The following MARK2 variants were observed in gnomAD, a reference collection of about 807,000 sequenced individuals.
The protein encoded by MARK2 is serine/threonine-protein kinase MARK2.
MARK2 carries 16 observed loss-of-function variants against 89.8 expected under a neutral mutation model. The observed-to-expected ratio is 0.18, with a 90% CI of 0.12 to 0.27. The LOEUF (loss-of-function observed/expected upper bound fraction) is 0.27, where lower values mean the gene tolerates loss of function less well. Ranked by LOEUF, MARK2 falls within the 10% of genes least tolerant of loss-of-function variation. The pLI, the probability that MARK2 is intolerant of heterozygous loss-of-function variation, is 1.00. For synonymous variants in MARK2, 382 were observed against 399.5 expected, an observed-to-expected ratio of 0.96 and a Z score of 0.52; for missense variants, 621 against 1,049.9, an observed-to-expected ratio of 0.59 and a Z score of 5.65.
chr11:63,868,703 G>T (rs1938271209), intron 1 of MARK2: 1 of 449,320 alleles, frequency 2.2e-6, no homozygotes, highest in Admixed American at 2.4e-5. Flanking sequence ...CAACGTGTCT[G>T]CCTGCGTTGT....
chr11:63,886,136 A>T (rs1222951170), intron 1 of MARK2, among the ~76,000 whole-genome samples: 1 of 151,862 alleles, frequency 6.6e-6, no homozygotes, highest in African/African-American at 2.4e-5. Flanking sequence ...CTCAAAAAAA[A>T]AAAAAAAGAG....
In MARK2 at chr11:63,895,332, G is replaced by A; in HGVS notation, c.228G>A (p.Gly76=). 6.2e-7 allele frequency: 1 copy of A among 1,613,670 alleles called. No individual in the cohort carries two copies. Among genetic ancestry groups the A allele is most frequent in the Non-Finnish European group, 8.5e-7 (1 of 1,179,722 alleles). The change falls in exon 2 of 19, where the codon GGG becomes GGA. Residue 76 remains glycine (G), a synonymous_variant. Transcript: ENST00000402010. ...KVKLARHILT[G]KEVAVKIIDK... ...AGTTGGCCCGACACATCCTGACTGG[G>A]AAAGAGGTGAGCACTGGGACTGGGG...
chr11:63,903,901 C>T lies in MARK2; in HGVS notation c.1515-85C>T. 8.2e-7 allele frequency: 1 copy of T among 1,222,168 alleles called. No individual in the cohort carries two copies. The allele number at this position is 1,222,168 out of a possible 1,614,324, so 75.7% of individuals were successfully genotyped here. A position where few individuals can be genotyped will look rare whatever the true frequency, so the allele number is the denominator to read the frequency against. ...CCTGCCAGAGCTCCCCAGCTCTGGC[C>T]CTTCCCCTGCCCTTGCTTCCTAATC... is the stretch of plus-strand genomic sequence containing the variant. On this transcript the variant is annotated intron_variant, in intron 14 of 18. Transcript: ENST00000402010. The surrounding 1 kb of genome is among the most constrained non-coding windows in gnomAD (Gnocchi z 5.1).
At chr11:63,868,748 T>C (rs1938275746) in intron 1 of MARK2, 1 of 455,854 alleles carries the variant, frequency 2.2e-6, no homozygotes, top group Non-Finnish European at 4.4e-6. Flanking sequence ...TCTTGCCTCT[T>C]TTTTGATGGG....
intron 1 of MARK2, among the ~76,000 whole-genome samples, chr11:63,843,576 T>A (rs945730248): frequency 1.3e-5 from 2 of 152,020 alleles, no homozygotes; most frequent in Non-Finnish European, 1.5e-5. Context: ...CTCCAAACAC[T>A]CTCACTGGAC....
chr11:63,860,554 AAAAAAAT>A (rs1380356597), intron 1 of MARK2, among the ~76,000 whole-genome samples: 1 of 148,852 alleles, frequency 6.7e-6, no homozygotes, highest in East Asian at 2.0e-4. Context: ...TCTCAAAAAA[AAAAAAAT>A]AAATAGAAAT....
rs780529224 is a variant in MARK2 at position 63,895,186 on chromosome 11, C to A, written c.82C>A (p.Pro28Thr). The part of the protein sequence containing the change: ...QPTLGHLDSK[P>T]SSKSNMIRGR... Reference sequence around the variant, plus strand: ...CACCTTGGGACACCTTGACTCCAAGCCCAGCAGTAAGTCCAACATGATTCG... The same window carrying A: ...CACCTTGGGACACCTTGACTCCAAGACCAGCAGTAAGTCCAACATGATTCG... The change falls in exon 2 of 19, where the codon CCC becomes ACC. Residue 28 changes from proline (P) to threonine (T), a missense_variant. Pro to Thr is a conservative substitution (Grantham distance 38). This residue lies in a region of MARK2 where 60 missense variants were observed against 73.2 expected (regional missense o/e 0.82). Coordinates refer to ENST00000402010, the MANE Select transcript of MARK2 (RefSeq NM_001039469.3). The A allele has an allele frequency of 6.2e-7, 1 of 1,613,844 alleles. No individual in the cohort carries two copies. The highest frequency in any genetic ancestry group is 2.2e-5 in the East Asian group (1 of 44,874).
At chr11:63,849,217 A>G (rs2016438269) in intron 1 of MARK2, among the ~76,000 whole-genome samples, 1 of 152,184 alleles carries the variant, frequency 6.6e-6, no homozygotes, top group Non-Finnish European at 1.5e-5. Context: ...TCTCCGCCAC[A>G]GAAGACTGTC....
intron 1 of MARK2, among the ~76,000 whole-genome samples, chr11:63,881,304 T>C (rs1157532118): frequency 6.6e-6 from 1 of 151,860 alleles, no homozygotes; most frequent in Non-Finnish European, 1.5e-5. Context: ...AAACTCTGTC[T>C]CAAAAAAAAA....
At chr11:63,888,233 C>G (rs888333092) in intron 1 of MARK2, among the ~76,000 whole-genome samples, 9 of 152,188 alleles carry the variant, frequency 5.9e-5, no homozygotes, top group Non-Finnish European at 1.0e-4. Context: ...CCCTCCTCCC[C>G]ACTTCGTTCT....
chr11:63,899,456 A>G (rs1212318450), intron 7 of MARK2, among the ~76,000 whole-genome samples: 1 of 152,106 alleles, frequency 6.6e-6, no homozygotes, highest in African/African-American at 2.4e-5. Context: ...TGACCCAGGG[A>G]AGAGTGCTGA....
At chr11:63,868,645 G>A (rs574234559) in intron 1 of MARK2, 37 of 383,380 alleles carry the variant, frequency 9.7e-5, no homozygotes, top group African/African-American at 5.4e-4. Context: ...CAGAGCCAGA[G>A]AGCCAAGCCC....
chr11:63,859,030 G>C (rs1937606319), intron 1 of MARK2, among the ~76,000 whole-genome samples: 2 of 151,068 alleles, frequency 1.3e-5, no homozygotes, highest in African/African-American at 4.9e-5. Flanking sequence ...GGCTTACTTG[G>C]ATTTTATTAT....
chr11:63,898,591 G>T lies in MARK2; in HGVS notation c.338-17G>T, dbSNP rs531035313. 1.2e-6 allele frequency: 2 copies of T among 1,605,908 alleles called. No homozygotes were observed. Among genetic ancestry groups the T allele is most frequent in the African/African-American group, 2.7e-5 (2 of 74,840 alleles). On this transcript the variant is annotated splice_polypyrimidine_tract_variant and intron_variant, in intron 4 of 18. Transcript: ENST00000402010. Reference sequence around the variant, plus strand: ...CCTGTTGCTTCTTGACTTAAGGCTTGGCCTTTTCTCTTGTAGTTAAATTAT... The same window carrying T: ...CCTGTTGCTTCTTGACTTAAGGCTTTGCCTTTTCTCTTGTAGTTAAATTAT...
At chr11:63,840,381 C>A (rs1313484821) in intron 1 of MARK2, among the ~76,000 whole-genome samples, 1 of 152,140 alleles carries the variant, frequency 6.6e-6, no homozygotes, top group African/African-American at 2.4e-5. Context: ...GCTTTTAGGT[C>A]CCTGGGCCTC....
intron 1 of MARK2, among the ~76,000 whole-genome samples, chr11:63,864,938 C>T (rs1034088976): frequency 6.6e-6 from 1 of 152,124 alleles, no homozygotes; most frequent in Non-Finnish European, 1.5e-5. Flanking sequence ...ACTCTGTTGC[C>T]CAGGCTGCTG....
At chr11:63,887,716 T>C (rs1393090291) in intron 1 of MARK2, among the ~76,000 whole-genome samples, 1 of 116,926 alleles carries the variant, frequency 8.6e-6, no homozygotes, top group Non-Finnish European at 2.0e-5. Context: ...TAGACAGGGG[T>C]CGTTGGTCTA....
chr11:63,908,381 T>TGCCACTTGGCTCTTCCTCCC (rs1273953784), intron 18 of MARK2, 77 bp downstream of exon 18: 1 of 1,252,888 alleles, frequency 8.0e-7, no homozygotes, highest in Non-Finnish European at 1.1e-6. Flanking sequence ...CTCTTCCTTC[T>TGCCACTTGGCTCTTCCTCCC]GCCACTTGGC....
chr11:63,881,458 C>G (rs1449570801), intron 1 of MARK2, among the ~76,000 whole-genome samples: 1 of 152,130 alleles, frequency 6.6e-6, no homozygotes, highest in Non-Finnish European at 1.5e-5. Context: ...ACCCTTATCT[C>G]TTGGGGTCGA....
Sources: gnomAD v4.1 joint callset for allele counts (sites outside exome capture counted in the v4.1 genomes callset) on GRCh38, gnomAD v4.1.1 for gene constraint, gnomAD v4.1.1 regional missense constraint, Gnocchi (gnomAD v3.1) non-coding constraint, MANE v1.5 for transcripts, NCBI Gene and HGNC (gene_info 2026-07-23, HGNC 2026-07-21) for gene names.